The following RAP1A variants were observed in gnomAD, a reference collection of about 807,000 sequenced individuals.
The protein encoded by RAP1A is RAP1A, member of RAS oncogene family, also known as ras-related protein Rap-1A.
RAP1A carries 6 observed loss-of-function variants against 26.4 expected under a neutral mutation model. That is an observed-to-expected ratio of 0.23 (90% CI 0.12 to 0.45). The LOEUF (loss-of-function observed/expected upper bound fraction) is 0.45. Among genes scored for constraint, RAP1A ranks in the 20% least tolerant of loss-of-function variants. The pLI is 0.99. For synonymous variants in RAP1A, 73 were observed against 79.4 expected, an observed-to-expected ratio of 0.92 and a Z score of 0.43; for missense variants, 121 against 217.2, an observed-to-expected ratio of 0.56 and a Z score of 2.78.
chr1:111,588,075 CA>C (rs1486168170), intron 1 of RAP1A, among the ~76,000 whole-genome samples: 2 of 152,176 alleles, frequency 1.3e-5, no homozygotes, highest in African/African-American at 4.8e-5. Context: ...TTGATGATAA[CA>C]GGTCTCAAAC....
At chr1:111,656,464 C>G (rs1660463128) in intron 1 of RAP1A, among the ~76,000 whole-genome samples, 1 of 152,172 alleles carries the variant, frequency 6.6e-6, no homozygotes, top group African/African-American at 2.4e-5. Context: ...TCTATTCCTC[C>G]TTAAAGCAAA....
chr1:111,693,744 T>C (rs1373315075), intron 2 of RAP1A, among the ~76,000 whole-genome samples: 1 of 152,170 alleles, frequency 6.6e-6, no homozygotes, highest in East Asian at 1.9e-4. Context: ...AAGATTCCAC[T>C]GTAAACTTAT....
At chr1:111,682,288 T>G (rs1219895443) in intron 1 of RAP1A, among the ~76,000 whole-genome samples, 2 of 152,052 alleles carry the variant, frequency 1.3e-5, no homozygotes, top group Non-Finnish European at 2.9e-5. Context: ...CTGCATCAAC[T>G]AATGTGCAAA....
At chr1:111,551,401 A>G (rs948577063) in intron 1 of RAP1A, among the ~76,000 whole-genome samples, 7 of 152,066 alleles carry the variant, frequency 4.6e-5, no homozygotes, top group Non-Finnish European at 7.4e-5. Flanking sequence ...CTTTTACTAC[A>G]TACTTTTGAG....
chr1:111,593,367 C>T (rs1460097137), intron 1 of RAP1A, among the ~76,000 whole-genome samples: 1 of 152,196 alleles, frequency 6.6e-6, no homozygotes, highest in African/African-American at 2.4e-5. Context: ...TATATGGTAT[C>T]TGGGTGATAA....
chr1:111,636,159 A>G (rs1161613072), intron 1 of RAP1A, among the ~76,000 whole-genome samples: 8 of 152,122 alleles, frequency 5.3e-5, no homozygotes, highest in African/African-American at 1.2e-4. Context: ...TAACTAGAGA[A>G]TTGAATATAG....
intron 1 of RAP1A, chr1:111,608,261 CG>C (rs1557864127): frequency 1.4e-5 from 2 of 141,176 alleles, no homozygotes; most frequent in Admixed American, 1.5e-4. Flanking sequence ...ACATCCCAGG[CG>C]GGGCGGCGGG....
intron 1 of RAP1A, among the ~76,000 whole-genome samples, chr1:111,689,023 A>G (rs780839650): frequency 2.6e-5 from 4 of 151,848 alleles, no homozygotes; most frequent in Non-Finnish European, 5.9e-5. Flanking sequence ...TTTGGTAGAG[A>G]TGAAGTTTCA....
At chr1:111,557,855 A>C (rs1156628240) in intron 1 of RAP1A, among the ~76,000 whole-genome samples, 2 of 152,178 alleles carry the variant, frequency 1.3e-5, no homozygotes, top group African/African-American at 2.4e-5. Flanking sequence ...GGGGGAGATT[A>C]ATCTGAGTAA....
In RAP1A at chr1:111,578,914, C is replaced by T. The variant is rs138965146; in HGVS notation, c.-28+36405C>T. ...ATTTGATTAATTTGCTGGGATGGCTCATGGAATTCAGGGAAACATTTACCA... is the reference window on the plus strand; with the variant it reads ...ATTTGATTAATTTGCTGGGATGGCTTATGGAATTCAGGGAAACATTTACCA... On this transcript the variant is annotated intron_variant, in intron 1 of 7. Transcript: ENST00000356415. Among the ~76,000 whole-genome samples the T allele has an allele frequency of 2.4e-4, 36 of 152,308 alleles. No homozygotes were observed. The East Asian group carries it at 6.4e-3, about 27-fold the overall frequency.
chr1:111,703,632 T>C (rs552475562), intron 5 of RAP1A, among the ~76,000 whole-genome samples, 156 bp downstream of exon 5: 19 of 152,292 alleles, frequency 1.2e-4, no homozygotes, highest in Middle Eastern at 6.8e-3. Flanking sequence ...CTTTCAAAAT[T>C]AACCTCAAAA....
chr1:111,665,021 A>G (rs1029887174), intron 1 of RAP1A, among the ~76,000 whole-genome samples: 1 of 152,226 alleles, frequency 6.6e-6, no homozygotes, highest in Non-Finnish European at 1.5e-5. Context: ...CATTTAATCC[A>G]AGTTAAGCCT....
chr1:111,565,396 G>T (rs943714497), intron 1 of RAP1A, among the ~76,000 whole-genome samples: 1 of 152,202 alleles, frequency 6.6e-6, no homozygotes, highest in Non-Finnish European at 1.5e-5. Flanking sequence ...AGACAAAGGC[G>T]TTACTGTCAA....
intron 1 of RAP1A, among the ~76,000 whole-genome samples, chr1:111,565,534 TG>T (rs1275653035): frequency 6.6e-6 from 1 of 152,208 alleles, no homozygotes; most frequent in Non-Finnish European, 1.5e-5. Flanking sequence ...GCAGATGGGA[TG>T]TCAGAGAAAC....
chr1:111,542,513 G>A (rs1302472571), intron 1 of RAP1A: 1 of 195,686 alleles, frequency 5.1e-6, no homozygotes, highest in African/African-American at 2.4e-5. Flanking sequence ...GCAGAAGGTG[G>A]GAAATTTTTA....
intron 1 of RAP1A, among the ~76,000 whole-genome samples, chr1:111,555,023 A>G (rs1657424139): frequency 6.6e-6 from 1 of 152,130 alleles, no homozygotes; most frequent in Non-Finnish European, 1.5e-5. Flanking sequence ...CACATTTAAA[A>G]GTAAGAGAAC....
chr1:111,620,010 C>G (rs1659136832), intron 1 of RAP1A, 76 bp downstream of exon 1: 1 of 395,948 alleles, frequency 2.5e-6, no homozygotes, highest in African/African-American at 2.1e-5. Context: ...GAGGGTGAGG[C>G]GGCTCATGTC....
chr1:111,615,829 CAAAAAA>C (rs34751097), upstream of RAP1A, among the ~76,000 whole-genome samples: 2 of 86,226 alleles, frequency 2.3e-5, no homozygotes, highest in Non-Finnish European at 2.4e-5. Context: ...GACTCTGTCT[CAAAAAA>C]AAAAAAAAAA....
At chr1:111,683,746 G>T (rs965952687) in intron 1 of RAP1A, among the ~76,000 whole-genome samples, 4 of 152,112 alleles carry the variant, frequency 2.6e-5, no homozygotes, top group Non-Finnish European at 5.9e-5. Flanking sequence ...AGAGGAGCTG[G>T]TACCATTCCT....
Sources: gnomAD v4.1 joint callset for allele counts (sites outside exome capture counted in the v4.1 genomes callset) on GRCh38, gnomAD v4.1.1 for gene constraint, MANE v1.5 for transcripts, NCBI Gene and HGNC (gene_info 2026-07-23, HGNC 2026-07-21) for gene names.